The following RADIL variants were observed in gnomAD, a reference collection of about 807,000 sequenced individuals.
RADIL encodes ras-associating and dilute domain-containing protein.
RADIL carries 99 observed loss-of-function variants against 97.6 expected under a neutral mutation model. The observed-to-expected ratio is 1.01, with a 90% confidence interval of 0.86 to 1.20. The LOEUF (loss-of-function observed/expected upper bound fraction) is 1.20. Ranked by LOEUF, RADIL falls within the 50% of genes most tolerant of loss-of-function variation. The probability of loss-of-function intolerance (pLI) is 0.00; values close to 1 mark genes in which losing one functional copy is unlikely to be tolerated. For missense variants in RADIL, 1,765 were observed against 1,498.9 expected, an observed-to-expected ratio of 1.18 and a Z score of -2.93; for synonymous variants, 803 against 691.8, an observed-to-expected ratio of 1.16 and a Z score of -2.52.
In RADIL at chr7:4,822,689, G is replaced by C. The variant is rs1000927476; in HGVS notation, c.1455-135C>G. On this transcript the variant is annotated intron_variant, in intron 5 of 14. Coordinates refer to ENST00000399583, the MANE Select transcript of RADIL (RefSeq NM_018059.5). This position sits in a 1 kb window ranked among gnomAD's most constrained non-coding sequence, Gnocchi z 5.3. ...CTGCAACCATCAACCTGACACTGCT[G>C]GGCGGGGACGTTTAACAATACGTGT... 4 of 1,030,834 alleles carry C rather than the reference G, an allele frequency of 3.9e-6. No individual in the cohort carries two copies. The highest frequency in any genetic ancestry group is 2.6e-5 in the East Asian group (1 of 38,684). 63.9% of individuals were successfully genotyped at this position (1,030,834 alleles called of 1,614,324 possible).
Position 4,879,283 on chromosome 7 carries a change from G to A in RADIL, c.-64-1080C>T, listed in dbSNP as rs183071260. 6.6e-6 allele frequency among the ~76,000 whole-genome samples: 1 copy of A among 152,246 alleles called. No individual in the cohort carries two copies. Among genetic ancestry groups the A allele is most frequent in the African/African-American group, 2.4e-5 (1 of 41,476 alleles). Reference sequence around the variant, plus strand: ...ACTTCTAATGTCCGTAGCGTGCCCAGGGCCAGGAGTTCCAGATGGTTTCTC... The same window carrying A: ...ACTTCTAATGTCCGTAGCGTGCCCAAGGCCAGGAGTTCCAGATGGTTTCTC... On this transcript the variant is annotated intron_variant, in intron 1 of 14. Transcript: ENST00000399583. This position sits in a 1 kb window ranked among gnomAD's most constrained non-coding sequence, Gnocchi z 4.1.
rs1021936935 is a variant in RADIL at position 4,819,122 on chromosome 7, A to C, written c.1616-1771T>G. 4.1e-5 allele frequency among the ~76,000 whole-genome samples: 6 copies of C among 145,812 alleles called. 1 individual carries two copies. In the Admixed American group the frequency reaches 4.2e-4, roughly 10 times the overall value. Reference sequence around the variant, plus strand: ...AGTCTCACTCTGTCGCCCAGGCTGGAGTGCAATGACACAATCCCAGCTCAC... The same window carrying C: ...AGTCTCACTCTGTCGCCCAGGCTGGCGTGCAATGACACAATCCCAGCTCAC... On this transcript the variant is annotated intron_variant, in intron 6 of 14. Transcript: ENST00000399583. The surrounding 1 kb of genome is among the most constrained non-coding windows in gnomAD (Gnocchi z 5.8).
At chr7:4,846,631 C>T (rs1308685995) in intron 2 of RADIL, among the ~76,000 whole-genome samples, 1 of 150,492 alleles carries the variant, frequency 6.6e-6, no homozygotes, top group Non-Finnish European at 1.5e-5. Flanking sequence ...CTGCAACGTC[C>T]GCCTTCCAGG....
rs1583296494 is a variant in RADIL at position 4,837,741 on chromosome 7, A to G, written c.536-1136T>C. 1 of 742,404 alleles carries G rather than the reference A, an allele frequency of 1.3e-6. No homozygotes were observed. The highest frequency in any genetic ancestry group is 1.3e-4 in the East Asian group (1 of 7,590). The allele number at this position is 742,404 out of a possible 1,614,324, so 46.0% of individuals were successfully genotyped here. On this transcript the variant is annotated intron_variant, in intron 2 of 14. Coordinates refer to ENST00000399583, the MANE Select transcript of RADIL (RefSeq NM_018059.5). This position sits in a 1 kb window ranked among gnomAD's most constrained non-coding sequence, Gnocchi z 5.6. The stretch of plus-strand genomic sequence containing the variant: ...GTTCAGAGATAACACACACCCTTAG[A>G]AGACTTAATATCTCATAAATACAGA...
intron 2 of RADIL, among the ~76,000 whole-genome samples, chr7:4,845,088 A>C (rs1783536136): frequency 6.6e-6 from 1 of 152,148 alleles, no homozygotes; most frequent in Non-Finnish European, 1.5e-5. Flanking sequence ...GTATATGAAA[A>C]TTATATTTAC....
At position 4,854,014 on chromosome 7, in the gene RADIL, G is replaced by A. The variant is rs764849760; in HGVS notation, c.536-17409C>T. Among the ~76,000 whole-genome samples, 1 of 152,170 alleles carries A rather than the reference G, an allele frequency of 6.6e-6. No homozygotes were observed. The highest frequency in any genetic ancestry group is 1.5e-5 in the Non-Finnish European group (1 of 68,022). ...AAAGATGAGGGGATGCCGCTGTTGG[G>A]ACTTCTCCGAAAGCTCCATAGGTGG... On this transcript the variant is annotated intron_variant, in intron 2 of 14. Coordinates refer to ENST00000399583, the MANE Select transcript of RADIL (RefSeq NM_018059.5). This position sits in a 1 kb window ranked among gnomAD's most constrained non-coding sequence, Gnocchi z 5.1.
chr7:4,801,246 G>A (rs768304007), intron 12 of RADIL, among the ~76,000 whole-genome samples: 3 of 152,100 alleles, frequency 2.0e-5, no homozygotes, highest in Non-Finnish European at 4.4e-5. Context: ...ATATCCACAC[G>A]CACAAGCACA....
At position 4,875,145 on chromosome 7, in the gene RADIL, T is replaced by A. The variant is rs193101992; in HGVS notation, c.535+2460A>T. ...AGGCGGAGCTTGCAGTGAGCCGAGA[T>A]TGTGCCACTGCACTCCAGCCTGGGC... On this transcript the variant is annotated intron_variant, in intron 2 of 14. Transcript: ENST00000399583. Among the ~76,000 whole-genome samples, 96 of 141,530 alleles carry A rather than the reference T, an allele frequency of 6.8e-4. 2 individuals carry two copies. In the East Asian group the frequency reaches 0.017, roughly 25 times the overall value. 92.8% of individuals were successfully genotyped at this position (141,530 alleles called of 152,430 possible). A position where few individuals can be genotyped will look rare whatever the true frequency, so the allele number is the denominator to read the frequency against.
chr7:4,800,050 A>T (rs1583253157), intron 13 of RADIL, 121 bp downstream of exon 13: 7 of 1,391,904 alleles, frequency 5.0e-6, no homozygotes, highest in Non-Finnish European at 6.6e-6. Flanking sequence ...GGCCAACCCC[A>T]CTCTCCTCCC....
chr7:4,828,574 A>C (rs1783058047), intron 5 of RADIL, among the ~76,000 whole-genome samples: 1 of 152,276 alleles, frequency 6.6e-6, no homozygotes, highest in African/African-American at 2.4e-5. Flanking sequence ...TCACAATTTG[A>C]AACACAGAAC....
Position 4,822,266 on chromosome 7 carries a change from T to C in RADIL, c.1615+128A>G. 8.2e-7 allele frequency: 1 copy of C among 1,222,922 alleles called. No homozygotes were observed. Among genetic ancestry groups the C allele is most frequent in the East Asian group, 2.6e-5 (1 of 38,926 alleles). 75.8% of individuals were successfully genotyped at this position (1,222,922 alleles called of 1,614,324 possible). On this transcript the variant is annotated intron_variant, in intron 6 of 14. Transcript: ENST00000399583. The surrounding 1 kb of genome is among the most constrained non-coding windows in gnomAD (Gnocchi z 5.3). ...AACTGACACATGGCAGCCTAGGGAC[T>C]GAGGAAGCCCCCGGCATGAATCCAC...
At chr7:4,833,152 C>T (rs1405657522) in intron 4 of RADIL, among the ~76,000 whole-genome samples, 1 of 152,210 alleles carries the variant, frequency 6.6e-6, no homozygotes, top group Non-Finnish European at 1.5e-5. Context: ...GGGACACAGG[C>T]TGGGACCCGG....
chr7:4,829,779 A>G (rs1482644229), intron 5 of RADIL, among the ~76,000 whole-genome samples: 1 of 152,176 alleles, frequency 6.6e-6, no homozygotes, highest in Non-Finnish European at 1.5e-5. Context: ...GCCTGCCACC[A>G]TGTAAGATGT....
In RADIL at chr7:4,835,345, C is replaced by T. The variant is rs1158032842; in HGVS notation, c.784-106G>A. 3 of 1,410,818 alleles carry T rather than the reference C, an allele frequency of 2.1e-6. No homozygotes were observed. Among genetic ancestry groups the T allele is most frequent in the Non-Finnish European group, 2.9e-6 (3 of 1,046,692 alleles). 87.4% of individuals were successfully genotyped at this position (1,410,818 alleles called of 1,614,324 possible). A position where few individuals can be genotyped will look rare whatever the true frequency, so the allele number is the denominator to read the frequency against. The stretch of plus-strand genomic sequence containing the variant: ...TGAAGCAGCGTGGCTGGGATGCTGT[C>T]GCCACGGGCTCTCCATGTCCCTGGC... On this transcript the variant is annotated intron_variant, in intron 3 of 14. Transcript: ENST00000399583. This position sits in a 1 kb window ranked among gnomAD's most constrained non-coding sequence, Gnocchi z 5.8.
At chr7:4,882,379 A>G (rs1784504897) in intron 1 of RADIL, among the ~76,000 whole-genome samples, 1 of 152,216 alleles carries the variant, frequency 6.6e-6, no homozygotes, top group Admixed American at 6.5e-5. Flanking sequence ...CTCCTCTGTG[A>G]CACAAATACT....
intron 2 of RADIL, among the ~76,000 whole-genome samples, chr7:4,857,392 C>T (rs1431396877): frequency 6.6e-6 from 1 of 152,170 alleles, no homozygotes; most frequent in Non-Finnish European, 1.5e-5. Context: ...ATCTGACCAT[C>T]TCTGCCTTTT....
chr7:4,850,452 T>G (rs1233115122), intron 2 of RADIL, among the ~76,000 whole-genome samples: 3 of 152,076 alleles, frequency 2.0e-5, no homozygotes, highest in Non-Finnish European at 4.4e-5. Flanking sequence ...CAGCTGACCT[T>G]GAGATATGGA....
In RADIL at chr7:4,809,673, AT is replaced by A. The variant is rs60821126; in HGVS notation, c.2140-3958del. ...TACATCTTATTTTATTTATTTATTT[AT>A]TTTATTTTATTTAATTGATTTATTT... On this transcript the variant is annotated intron_variant, in intron 9 of 14. Transcript: ENST00000399583. The A allele has an allele frequency of 0.012, 11,407 of 919,348 alleles. 1,009 individuals are homozygous for A. In the African/African-American group the frequency reaches 0.22, roughly 17 times the overall value. The allele number at this position is 919,348 out of a possible 1,614,324, so 56.9% of individuals were successfully genotyped here. A position where few individuals can be genotyped will look rare whatever the true frequency, so the allele number is the denominator to read the frequency against.
At chr7:4,861,646 C>A in intron 2 of RADIL, 1 of 1,607,592 alleles carries the variant, frequency 6.2e-7, no homozygotes, top group Non-Finnish European at 8.5e-7. Context: ...GTTCCTCTTC[C>A]TCTTCGAAGA....
Sources: gnomAD v4.1 joint callset for allele counts (sites outside exome capture counted in the v4.1 genomes callset) on GRCh38, gnomAD v4.1.1 for gene constraint, Gnocchi (gnomAD v3.1) non-coding constraint, MANE v1.5 for transcripts, NCBI Gene and HGNC (gene_info 2026-07-23, HGNC 2026-07-21) for gene names.